The following LRRC7 variants were observed in gnomAD, a reference collection of about 807,000 sequenced individuals.
The protein encoded by LRRC7 is leucine-rich repeat-containing protein 7.
A neutral mutation model predicts 175.7 loss-of-function variants in LRRC7; 23 were observed. The ratio of observed to expected loss-of-function variants is 0.13; its 90% CI spans 0.09 to 0.19. The LOEUF is 0.19. Ranked by LOEUF, LRRC7 falls within the 10% of genes least tolerant of loss-of-function variation. The probability of loss-of-function intolerance (pLI) is 1.00; values close to 1 mark genes in which losing one functional copy is unlikely to be tolerated. For synonymous variants in LRRC7, 685 were observed against 680.9 expected (o/e 1.01, Z -0.09); for missense variants, 1,354 against 1,904.7 (o/e 0.71, Z 5.38).
chr1:69,781,936 GAA>G (rs771228545), intron 3 of LRRC7, among the ~76,000 whole-genome samples: 1 of 94,266 alleles, frequency 1.1e-5, no homozygotes, highest in African/African-American at 4.8e-5. Flanking sequence ...AAGAAAGAAA[GAA>G]AGAGAAAAGA....
chr1:69,621,344 C>A (rs1650567626), intron 1 of LRRC7, among the ~76,000 whole-genome samples: 1 of 152,148 alleles, frequency 6.6e-6, no homozygotes, highest in African/African-American at 2.4e-5. Flanking sequence ...CCGCACCCAG[C>A]CTCTTGTATT....
At chr1:69,847,494 G>A (rs1299780136) in intron 7 of LRRC7, among the ~76,000 whole-genome samples, 1 of 151,972 alleles carries the variant, frequency 6.6e-6, no homozygotes, top group Non-Finnish European at 1.5e-5. Context: ...TGTTAACATG[G>A]AAATCATCCT....
chr1:69,703,529 C>T (rs1663641551), intron 2 of LRRC7, among the ~76,000 whole-genome samples: 1 of 151,920 alleles, frequency 6.6e-6, no homozygotes, highest in South Asian at 2.1e-4. Flanking sequence ...TTATACTGTA[C>T]TAGCTGGCTA....
At chr1:69,998,418 CA>C (rs1655216193) in intron 11 of LRRC7, among the ~76,000 whole-genome samples, 10 of 152,108 alleles carry the variant, frequency 6.6e-5, no homozygotes, top group Admixed American at 5.9e-4. Flanking sequence ...AAGTCTCAGC[CA>C]TTTTTTTTTA....
At chr1:70,117,784 G>T (rs1211844757) in intron 26 of LRRC7, among the ~76,000 whole-genome samples, 1 of 151,732 alleles carries the variant, frequency 6.6e-6, no homozygotes, top group Non-Finnish European at 1.5e-5. Flanking sequence ...TTTTCATTAG[G>T]TTGCAATTTC....
chr1:69,611,368 A>T (rs1648706351), intron 1 of LRRC7, among the ~76,000 whole-genome samples: 1 of 152,062 alleles, frequency 6.6e-6, no homozygotes, highest in Non-Finnish European at 1.5e-5. Flanking sequence ...AGTACAATAA[A>T]TTCTAATTCG....
intron 2 of LRRC7, among the ~76,000 whole-genome samples, chr1:69,724,392 T>C (rs899391131): frequency 6.6e-6 from 1 of 152,142 alleles, no homozygotes; most frequent in African/African-American, 2.4e-5. Flanking sequence ...TTGGGGCTAT[T>C]CATATGGAAT....
At chr1:70,087,754 CTATT>C (rs1663721236) in intron 24 of LRRC7, among the ~76,000 whole-genome samples, 1 of 152,224 alleles carries the variant, frequency 6.6e-6, no homozygotes, top group South Asian at 2.1e-4. Context: ...AATTAAGAAA[CTATT>C]CATTAATGAC....
At chr1:69,939,929 G>A (rs1248302661) in intron 8 of LRRC7, among the ~76,000 whole-genome samples, 3 of 152,070 alleles carry the variant, frequency 2.0e-5, no homozygotes, top group Non-Finnish European at 4.4e-5. Context: ...GCTGTCTTTT[G>A]AAGCATCAAT....
intron 4 of LRRC7, among the ~76,000 whole-genome samples, chr1:69,801,827 T>A (rs1043150379): frequency 3.3e-5 from 5 of 151,234 alleles, no homozygotes; most frequent in African/African-American, 1.2e-4. Context: ...CTTTCTATTT[T>A]TTTTTTTAAT....
intron 1 of LRRC7, among the ~76,000 whole-genome samples, chr1:69,673,334 A>G (rs1003120623): frequency 2.0e-5 from 3 of 152,194 alleles, no homozygotes; most frequent in Non-Finnish European, 2.9e-5. Context: ...ATTTCATGCT[A>G]TTTGATATTA....
intron 5 of LRRC7, among the ~76,000 whole-genome samples, chr1:69,827,033 G>A (rs528675172): frequency 6.6e-6 from 1 of 152,184 alleles, no homozygotes; most frequent in Non-Finnish European, 1.5e-5. Flanking sequence ...GCAACAAAAT[G>A]TGTTTAAAAA....
intron 2 of LRRC7, among the ~76,000 whole-genome samples, chr1:69,730,723 GC>G (rs1557658770): frequency 6.6e-6 from 1 of 152,056 alleles, no homozygotes; most frequent in Non-Finnish European, 1.5e-5. Context: ...CCCAACCTCT[GC>G]CTATTACCAG....
chr1:69,640,667 T>C (rs1327269340), intron 1 of LRRC7, among the ~76,000 whole-genome samples: 1 of 148,580 alleles, frequency 6.7e-6, no homozygotes, highest in Non-Finnish European at 1.5e-5. Flanking sequence ...CTTTGGTAAA[T>C]AAAGTACCTG....
chr1:69,817,818 T>C (rs1557768413), intron 4 of LRRC7, among the ~76,000 whole-genome samples: 1 of 152,128 alleles, frequency 6.6e-6, no homozygotes, highest in East Asian at 1.9e-4. Flanking sequence ...TATTTTGAAG[T>C]TTTCAGTGAT....
rs1197804089 is a variant in LRRC7 at position 70,123,673 on chromosome 1, C to T, written c.*1786C>T. Among the ~76,000 whole-genome samples, 1 of 152,098 alleles carries T rather than the reference C, an allele frequency of 6.6e-6. No individual in the cohort carries two copies. Among genetic ancestry groups the T allele is most frequent in the Non-Finnish European group, 1.5e-5 (1 of 68,004 alleles). ...TATTTAGTATGTTTCCCAGAAGTAA[C>T]TTTTAAATGCATTTTAATATATTGA... On this transcript the variant is annotated 3_prime_UTR_variant, in exon 27 of 27. Transcript: ENST00000651989.
In LRRC7 at chr1:69,994,627, T is replaced by C. The variant is rs1012111899; in HGVS notation, c.998T>C (p.Ile333Thr). The change falls in exon 11 of 27, where the codon ATT becomes ACT. Residue 333 changes from isoleucine (I) to threonine (T), a missense_variant. Around this residue, in one of 4 missense-constraint regions of LRRC7, gnomAD observed 201 missense variants for 481.4 expected, o/e 0.42. Coordinates refer to ENST00000651989, the MANE Select transcript of LRRC7 (RefSeq NM_001370785.2). ...DNQLTMLPNT[I>T]GNLSLLEEFD... The stretch of plus-strand genomic sequence containing the variant: ...CAACTTACAATGCTACCCAATACAA[T>C]TGGAAAGTAAGTGCCAACTTTTCAT... 1 of 1,608,720 alleles carries C rather than the reference T, an allele frequency of 6.2e-7. No homozygotes were observed. The highest frequency in any genetic ancestry group is 8.5e-7 in the Non-Finnish European group (1 of 1,176,774).
intron 8 of LRRC7, among the ~76,000 whole-genome samples, chr1:69,960,169 T>C (rs1650904522): frequency 6.6e-6 from 1 of 152,164 alleles, no homozygotes; most frequent in Non-Finnish European, 1.5e-5. Context: ...GAACTCATTA[T>C]TGGTCTGTTC....
rs1328013562 is a variant in LRRC7, at chr1:69,845,370, T to G, written c.647+7087T>G. On this transcript the variant is annotated intron_variant, in intron 7 of 26. Transcript: ENST00000651989. Reference sequence around the variant, plus strand: ...TTTTCCTAACCTGAATGGCAATAAATGCTACATATTTATAATTATCACTCA... The same window carrying G: ...TTTTCCTAACCTGAATGGCAATAAAGGCTACATATTTATAATTATCACTCA... Among the ~76,000 whole-genome samples the G allele has an allele frequency of 2.6e-5, 4 of 152,260 alleles. No individual in the cohort carries two copies. The East Asian group carries it at 7.7e-4, about 29-fold the overall frequency.
Sources: gnomAD v4.1 joint callset for allele counts (sites outside exome capture counted in the v4.1 genomes callset) on GRCh38, gnomAD v4.1.1 for gene constraint, gnomAD v4.1.1 regional missense constraint, MANE v1.5 for transcripts, NCBI Gene and HGNC (gene_info 2026-07-23, HGNC 2026-07-21) for gene names.